PPM1G: variants seen among roughly 807,000 people sequenced by gnomAD.
PPM1G encodes the protein protein phosphatase, Mg2+/Mn2+ dependent 1G, also known as protein phosphatase 1G.
In PPM1G, 12 loss-of-function variants were observed where a neutral mutation model predicts 59.4. The ratio of observed to expected loss-of-function variants is 0.20; its 90% CI spans 0.13 to 0.33. PPM1G has a LOEUF of 0.33. PPM1G is among the 10% of genes least tolerant of loss of function. The pLI is 1.00. For missense variants in PPM1G, 392 were observed against 681.3 expected, an observed-to-expected ratio of 0.58 and a Z score of 4.73; for synonymous variants, 245 against 251.9, an observed-to-expected ratio of 0.97 and a Z score of 0.26.
intron 1 of PPM1G, among the ~76,000 whole-genome samples, chr2:27,388,862 A>T (rs1179004047): frequency 7.1e-6 from 1 of 141,110 alleles, no homozygotes; most frequent in Non-Finnish European, 1.5e-5. Context: ...GCGACAGAGC[A>T]AGACTCCGTC....
In PPM1G at chr2:27,390,159, G is replaced by T. The variant is rs539158551; in HGVS notation, c.121-3001C>A. Among the ~76,000 whole-genome samples, 14 of 152,048 alleles carry T rather than the reference G, an allele frequency of 9.2e-5. No homozygotes were observed. In the South Asian group the frequency reaches 2.1e-3, roughly 23 times the overall value. Reference sequence around the variant, plus strand: ...AGTCTCCTGAGTGGCTGAAATTACAGTGGGCACCTGCCACCACGCCCAGCC... The same window carrying T: ...AGTCTCCTGAGTGGCTGAAATTACATTGGGCACCTGCCACCACGCCCAGCC... On this transcript the variant is annotated intron_variant, in intron 1 of 9. Transcript: ENST00000344034.
In PPM1G at chr2:27,383,836, T is replaced by C; in HGVS notation, c.966+116A>G. 1 of 1,443,314 alleles carries C rather than the reference T, an allele frequency of 6.9e-7. No individual in the cohort carries two copies. Among genetic ancestry groups the C allele is most frequent in the Non-Finnish European group, 9.3e-7 (1 of 1,072,876 alleles). 89.4% of individuals were successfully genotyped at this position (1,443,314 alleles called of 1,614,324 possible). A position where few individuals can be genotyped will look rare whatever the true frequency, so the allele number is the denominator to read the frequency against. On this transcript the variant is annotated intron_variant, in intron 6 of 9. Coordinates refer to ENST00000344034, the MANE Select transcript of PPM1G (RefSeq NM_177983.3). This position sits in a 1 kb window ranked among gnomAD's most constrained non-coding sequence, Gnocchi z 5.0. The stretch of plus-strand genomic sequence containing the variant: ...ATTCCCCTTGCAGAATAAATCCCCA[T>C]GACTATTACTTCCATCCTAAAGTAT...
intron 1 of PPM1G, among the ~76,000 whole-genome samples, chr2:27,394,408 G>A (rs758040767): frequency 4.1e-4 from 62 of 152,018 alleles, no homozygotes; most frequent in Admixed American, 9.2e-4. Context: ...GCCTACATAG[G>A]CTAAATCATT....
intron 1 of PPM1G, among the ~76,000 whole-genome samples, chr2:27,406,186 C>G (rs1250149343): frequency 6.6e-6 from 1 of 152,150 alleles, no homozygotes; most frequent in African/African-American, 2.4e-5. Context: ...GTATGATAAC[C>G]TTACCTCAAA....
At chr2:27,389,660 T>C (rs1280330249) in intron 1 of PPM1G, among the ~76,000 whole-genome samples, 2 of 152,176 alleles carry the variant, frequency 1.3e-5, no homozygotes, top group Non-Finnish European at 2.9e-5. Flanking sequence ...CTAAGTTTGC[T>C]AGTCATAAAA....
In PPM1G at chr2:27,400,226, G is replaced by A. The variant is rs561015367; in HGVS notation, c.120+9077C>T. On this transcript the variant is annotated intron_variant, in intron 1 of 9. Transcript: ENST00000344034. ...GCCCTGGGCAACACAGCGAAATCTCGTCTCTACTAAAATACACACAAAAAA... is the reference window on the plus strand; with the variant it reads ...GCCCTGGGCAACACAGCGAAATCTCATCTCTACTAAAATACACACAAAAAA... Among the ~76,000 whole-genome samples the A allele has an allele frequency of 9.2e-5, 14 of 151,986 alleles. No individual in the cohort carries two copies. In the South Asian group the frequency reaches 1.5e-3, roughly 16 times the overall value.
Position 27,384,345 on chromosome 2 carries a change from G to C in PPM1G, c.826-253C>G, listed in dbSNP as rs1683712585. 6.6e-6 allele frequency among the ~76,000 whole-genome samples: 1 copy of C among 152,192 alleles called. No individual in the cohort carries two copies. The highest frequency in any genetic ancestry group is 2.1e-4 in the South Asian group (1 of 4,828). ...GCTGCCAGCCAAAAATATCTTTCAG[G>C]CACTGTGGCCAGAAAATAAATTTTC... On this transcript the variant is annotated intron_variant, in intron 5 of 9. Transcript: ENST00000344034. This position sits in a 1 kb window ranked among gnomAD's most constrained non-coding sequence, Gnocchi z 4.8.
intron 1 of PPM1G, among the ~76,000 whole-genome samples, chr2:27,408,370 GT>G (rs1663430982): frequency 6.6e-6 from 1 of 152,212 alleles, no homozygotes; most frequent in South Asian, 2.1e-4. Context: ...CAAAGCCACG[GT>G]TAACCCGTCT....
intron 1 of PPM1G, among the ~76,000 whole-genome samples, chr2:27,407,329 T>C (rs1663406907): frequency 6.6e-6 from 1 of 152,172 alleles, no homozygotes; most frequent in Non-Finnish European, 1.5e-5. Flanking sequence ...AGAGGGGCGA[T>C]CTTGGCTCAA....
Position 27,384,018 on chromosome 2 carries a change from C to T in PPM1G, c.900G>A (p.Glu300=). The T allele has an allele frequency of 6.3e-7, 1 of 1,598,082 alleles. No homozygotes were observed. Among genetic ancestry groups the T allele is most frequent in the Non-Finnish European group, 8.5e-7 (1 of 1,172,040 alleles). ...CTTCTTCTTCATCGTCCTCTTCAGC[C>T]TCCTCGGTGTCATCCTCATCTTCCT... The part of the protein sequence containing the change: ...ENEEDEDDTE[E]AEEDDEEEEE... Residue 300 remains glutamate, a synonymous_variant, in exon 6 of 10, where the codon GAG becomes GAA. Coordinates refer to ENST00000344034, the MANE Select transcript of PPM1G (RefSeq NM_177983.3). This position sits in a 1 kb window ranked among gnomAD's most constrained non-coding sequence, Gnocchi z 4.8.
chr2:27,396,393 T>G (rs1661022536), intron 1 of PPM1G, among the ~76,000 whole-genome samples: 1 of 152,196 alleles, frequency 6.6e-6, no homozygotes, highest in Admixed American at 6.6e-5. Context: ...CTGTTTGCCA[T>G]GAGCTGGGGG....
At chr2:27,402,699 G>T (rs547500546) in intron 1 of PPM1G, among the ~76,000 whole-genome samples, 282 of 151,382 alleles carry the variant, frequency 1.9e-3, no homozygotes, top group Non-Finnish European at 3.2e-3. Context: ...GTCCAGCTAC[G>T]CGGGAGGCTG....
chr2:27,405,159 C>T (rs1419689468), intron 1 of PPM1G, among the ~76,000 whole-genome samples: 4 of 149,068 alleles, frequency 2.7e-5, no homozygotes, highest in East Asian at 2.1e-4. Context: ...CTGCAACCTC[C>T]GCCTCCCAGG....
At position 27,383,873 on chromosome 2, in the gene PPM1G, CCT is replaced by C. The variant is rs758757738; in HGVS notation, c.966+77_966+78del. 47 of 1,533,830 alleles carry C rather than the reference CCT, an allele frequency of 3.1e-5. No individual in the cohort carries two copies. Among genetic ancestry groups the C allele is most frequent in the Admixed American group, 4.0e-5 (2 of 49,948 alleles). On this transcript the variant is annotated intron_variant, in intron 6 of 9. Transcript: ENST00000344034. The surrounding 1 kb of genome is among the most constrained non-coding windows in gnomAD (Gnocchi z 5.0). ...CCATCCTAAAGTATCAGGGGGATCC[CCT>C]GTCTCAAAATCAAAATTAGGGGATT...
chr2:27,395,223 G>A (rs1684017387), intron 1 of PPM1G, among the ~76,000 whole-genome samples: 1 of 131,690 alleles, frequency 7.6e-6, no homozygotes, highest in African/African-American at 3.0e-5. Context: ...GACAGAGTGA[G>A]ACTCTGTCTC....
intron 1 of PPM1G, among the ~76,000 whole-genome samples, chr2:27,399,905 T>C (rs898352415): frequency 3.4e-5 from 5 of 145,924 alleles, no homozygotes; most frequent in Non-Finnish European, 7.4e-5. Flanking sequence ...TATGAGGACA[T>C]ATTTCCACAC....
At chr2:27,390,185 A>G (rs1175779437) in intron 1 of PPM1G, among the ~76,000 whole-genome samples, 1 of 151,698 alleles carries the variant, frequency 6.6e-6, no homozygotes, top group Non-Finnish European at 1.5e-5. Flanking sequence ...ACGCCCAGCC[A>G]ATTTTTGTAT....
chr2:27,402,853 T>TAAAA (rs1331509052), intron 1 of PPM1G, among the ~76,000 whole-genome samples: 23 of 119,792 alleles, frequency 1.9e-4, no homozygotes, highest in South Asian at 5.1e-4. Context: ...AATAAATAAA[T>TAAAA]AAAATAAACA....
chr2:27,402,602 G>A (rs1055272243), intron 1 of PPM1G, among the ~76,000 whole-genome samples: 4 of 151,876 alleles, frequency 2.6e-5, no homozygotes, highest in East Asian at 3.9e-4. Context: ...GTCAGGAATC[G>A]AGACCATCCT....
Sources: gnomAD v4.1 joint callset for allele counts (sites outside exome capture counted in the v4.1 genomes callset) on GRCh38, gnomAD v4.1.1 for gene constraint, Gnocchi (gnomAD v3.1) non-coding constraint, MANE v1.5 for transcripts, NCBI Gene and HGNC (gene_info 2026-07-23, HGNC 2026-07-21) for gene names.